PBX1: variants seen among roughly 807,000 people sequenced by gnomAD.
PBX1 encodes the protein PBX homeobox 1.
A neutral mutation model predicts 53.4 loss-of-function variants in PBX1; 6 were observed. The ratio of observed to expected loss-of-function variants is 0.11; its 90% CI spans 0.06 to 0.22. The LOEUF (loss-of-function observed/expected upper bound fraction) is 0.22. PBX1 is among the 10% of genes least tolerant of loss of function. The pLI, the probability that PBX1 is intolerant of heterozygous loss-of-function variation, is 1.00. For synonymous variants in PBX1, 204 were observed against 212.3 expected (o/e 0.96, Z 0.34); for missense variants, 251 against 551.4 (o/e 0.46, Z 5.46).
chr1:164,743,761 C>T (rs1665744545), intron 2 of PBX1, among the ~76,000 whole-genome samples: 1 of 151,960 alleles, frequency 6.6e-6, no homozygotes, highest in Admixed American at 6.6e-5. Context: ...CATCAATGTT[C>T]CAGGCAAAAA....
chr1:164,670,968 C>G (rs971956064), intron 2 of PBX1, among the ~76,000 whole-genome samples: 21 of 152,188 alleles, frequency 1.4e-4, no homozygotes, highest in Admixed American at 3.3e-4. Flanking sequence ...AACATCAAGT[C>G]TTCTTCCCTA....
chr1:164,849,111 T>G lies in PBX1; in HGVS notation c.*2435T>G. 7.4e-7 allele frequency: 1 copy of G among 1,358,976 alleles called. No individual in the cohort carries two copies. Among genetic ancestry groups the G allele is most frequent in the Non-Finnish European group, 9.5e-7 (1 of 1,054,352 alleles). The allele number at this position is 1,358,976 out of a possible 1,614,324, so 84.2% of individuals were successfully genotyped here. A position where few individuals can be genotyped will look rare whatever the true frequency, so the allele number is the denominator to read the frequency against. Reference sequence around the variant, plus strand: ...ACGCAAGAACATGGTTGAATCACATTTGCTTGACTTAGGGCAAAGTACGAA... The same window carrying G: ...ACGCAAGAACATGGTTGAATCACATGTGCTTGACTTAGGGCAAAGTACGAA... On this transcript the variant is annotated 3_prime_UTR_variant, in exon 9 of 9. Transcript: ENST00000420696.
At chr1:164,670,761 G>A (rs909144586) in intron 2 of PBX1, among the ~76,000 whole-genome samples, 3 of 152,198 alleles carry the variant, frequency 2.0e-5, no homozygotes, top group Non-Finnish European at 4.4e-5. Context: ...AAGTGATAGG[G>A]CAAGGCTTCT....
chr1:164,602,349 T>C (rs1656234839), intron 2 of PBX1, among the ~76,000 whole-genome samples: 1 of 152,264 alleles, frequency 6.6e-6, no homozygotes, highest in Admixed American at 6.5e-5. Context: ...AGCTTGGTTA[T>C]GCGACATTCT....
At chr1:164,600,935 T>C (rs1025121956) in intron 2 of PBX1, among the ~76,000 whole-genome samples, 4 of 152,048 alleles carry the variant, frequency 2.6e-5, no homozygotes, top group Non-Finnish European at 4.4e-5. Context: ...ATTCTTCTGC[T>C]CTCAGAATAG....
intron 3 of PBX1, 57 bp downstream of exon 3, chr1:164,792,795 G>T: frequency 7.5e-7 from 1 of 1,330,474 alleles, no homozygotes; most frequent in East Asian, 2.3e-5. Context: ...GGTGGAGGAA[G>T]CACAACCCCG....
chr1:164,571,775 G>A (rs1330701893), intron 2 of PBX1, among the ~76,000 whole-genome samples: 1 of 149,454 alleles, frequency 6.7e-6, no homozygotes, highest in African/African-American at 2.5e-5. Context: ...TTTAGATTTT[G>A]AGAAAATGCC....
In PBX1 at chr1:164,846,956, C is replaced by T. The variant is rs1250986103; in HGVS notation, c.*280C>T. The T allele has an allele frequency of 9.3e-6, 12 of 1,289,950 alleles. No individual in the cohort carries two copies. The highest frequency in any genetic ancestry group is 3.0e-4 in the Middle Eastern group (1 of 3,328). The allele number at this position is 1,289,950 out of a possible 1,614,324, so 79.9% of individuals were successfully genotyped here. A position where few individuals can be genotyped will look rare whatever the true frequency, so the allele number is the denominator to read the frequency against. ...TCTTCCCTGCCCCTGTGCCTCTGTCCTAGACTCCCGGGGTCCCCGCCCTCT... is the reference window on the plus strand; with the variant it reads ...TCTTCCCTGCCCCTGTGCCTCTGTCTTAGACTCCCGGGGTCCCCGCCCTCT... On this transcript the variant is annotated 3_prime_UTR_variant, in exon 9 of 9. Transcript: ENST00000420696.
chr1:164,649,401 A>C (rs904361256), intron 2 of PBX1, among the ~76,000 whole-genome samples: 6 of 152,174 alleles, frequency 3.9e-5, no homozygotes, highest in Non-Finnish European at 8.8e-5. Flanking sequence ...TCGAATGTAG[A>C]GAATACTTTT....
intron 2 of PBX1, among the ~76,000 whole-genome samples, chr1:164,564,639 G>C (rs553768002): frequency 6.6e-6 from 1 of 152,120 alleles, no homozygotes; most frequent in Non-Finnish European, 1.5e-5. Flanking sequence ...CTTCCAGGTT[G>C]CCTTGCCAAA....
intron 2 of PBX1, among the ~76,000 whole-genome samples, chr1:164,692,204 T>C: frequency 6.6e-6 from 1 of 152,140 alleles, no homozygotes; most frequent in East Asian, 1.9e-4. Flanking sequence ...AGGCAGCTCA[T>C]ACGCAGGCAG....
chr1:164,662,823 T>C (rs1660561771), intron 2 of PBX1, among the ~76,000 whole-genome samples: 1 of 113,334 alleles, frequency 8.8e-6, no homozygotes, highest in Non-Finnish European at 2.0e-5. Context: ...CATGTGAACA[T>C]GTGTGAACAT....
chr1:164,776,957 G>GAGAGAGAA, intron 2 of PBX1, among the ~76,000 whole-genome samples: 1 of 101,626 alleles, frequency 9.8e-6, no homozygotes, highest in African/African-American at 4.2e-5. Context: ...GAGAGAGAGA[G>GAGAGAGAA]AGAGAGAGAG....
intron 2 of PBX1, among the ~76,000 whole-genome samples, chr1:164,879,170 A>T (rs1391799433): frequency 6.6e-6 from 1 of 152,224 alleles, no homozygotes; most frequent in Non-Finnish European, 1.5e-5. Flanking sequence ...TTCACTAAAG[A>T]TTTGAAATTT....
chr1:164,823,581 A>G (rs1257629059), intron 8 of PBX1, among the ~76,000 whole-genome samples: 2 of 123,754 alleles, frequency 1.6e-5, no homozygotes, highest in African/African-American at 3.1e-5. Flanking sequence ...ATTGGGCAGC[A>G]TAGAAGAGAG....
At chr1:164,787,479 G>A (rs1024560611) in intron 2 of PBX1, among the ~76,000 whole-genome samples, 1 of 152,176 alleles carries the variant, frequency 6.6e-6, no homozygotes, top group Non-Finnish European at 1.5e-5. Flanking sequence ...CCAGTCCTTG[G>A]TGAAGAAAGA....
intron 2 of PBX1, among the ~76,000 whole-genome samples, chr1:164,591,750 A>T (rs183455867): frequency 6.6e-6 from 1 of 152,328 alleles, no homozygotes; most frequent in African/African-American, 2.4e-5. Flanking sequence ...AGACTTGTGC[A>T]GGTTTTCCTA....
chr1:164,732,300 C>T (rs1665038676), intron 2 of PBX1, among the ~76,000 whole-genome samples: 1 of 152,146 alleles, frequency 6.6e-6, no homozygotes, highest in Non-Finnish European at 1.5e-5. Context: ...CCTAATTCTA[C>T]AAATATGAGG....
rs1291789250 is a variant in PBX1, at chr1:164,775,386, TGTG to T, written c.266-17104_266-17102del. Among the ~76,000 whole-genome samples the T allele has an allele frequency of 3.3e-5, 5 of 152,122 alleles. No homozygotes were observed. The East Asian group carries it at 9.6e-4, about 29-fold the overall frequency. ...GGACTATGGCGGGACAAGTTGAGTGTGTGGTGAAATCAACAGCCACAGATTGAA... is the reference window on the plus strand; with the variant it reads ...GGACTATGGCGGGACAAGTTGAGTGTGTGAAATCAACAGCCACAGATTGAA... On this transcript the variant is annotated intron_variant, in intron 2 of 8. Coordinates refer to ENST00000420696, the MANE Select transcript of PBX1 (RefSeq NM_002585.4).
Sources: gnomAD v4.1 joint callset for allele counts (sites outside exome capture counted in the v4.1 genomes callset) on GRCh38, gnomAD v4.1.1 for gene constraint, MANE v1.5 for transcripts, NCBI Gene and HGNC (gene_info 2026-07-23, HGNC 2026-07-21) for gene names.